Variants in KCNMB2 observed in about 807,000 individuals in gnomAD.
KCNMB2 encodes the protein calcium-activated potassium channel subunit beta-2.
A neutral mutation model predicts 24.5 loss-of-function variants in KCNMB2; 9 were observed. The observed-to-expected ratio is 0.37, with a 90% CI of 0.22 to 0.64. The LOEUF is 0.64. Ranked by LOEUF, KCNMB2 falls within the 30% of genes least tolerant of loss-of-function variation. KCNMB2 has a pLI of 0.63. For missense variants in KCNMB2, 226 were observed against 284.3 expected (o/e 0.79, Z 1.47); for synonymous variants, 109 against 104.4 (o/e 1.04, Z -0.27).
At chr3:178,572,965 G>A (rs973175862) in intron 1 of KCNMB2, among the ~76,000 whole-genome samples, 3 of 152,016 alleles carry the variant, frequency 2.0e-5, no homozygotes, top group Non-Finnish European at 4.4e-5. Context: ...ATTGTAGTAG[G>A]TTCTCCAGAA....
intron 1 of KCNMB2, among the ~76,000 whole-genome samples, chr3:178,626,582 G>A (rs1719125851): frequency 6.6e-6 from 1 of 152,148 alleles, no homozygotes; most frequent in African/African-American, 2.4e-5. Flanking sequence ...TCACAAGGCA[G>A]CAGGAGAGAA....
intron 1 of KCNMB2, among the ~76,000 whole-genome samples, chr3:178,686,239 A>G (rs1195717163): frequency 6.6e-6 from 1 of 152,238 alleles, no homozygotes; most frequent in Non-Finnish European, 1.5e-5. Context: ...CATTTATTTA[A>G]TAAAGTTCTA....
At chr3:178,576,726 G>A (rs71308193) in intron 1 of KCNMB2, among the ~76,000 whole-genome samples, 17,772 of 152,228 alleles carry the variant, frequency 0.12, 1,190 homozygotes, top group Middle Eastern at 0.24. Context: ...AAAGCCACCC[G>A]GAAGTTCAAA....
At chr3:178,655,677 G>A (rs2108565110) in intron 1 of KCNMB2, among the ~76,000 whole-genome samples, 1 of 152,292 alleles carries the variant, frequency 6.6e-6, no homozygotes, top group East Asian at 1.9e-4. Flanking sequence ...TTACTGGTCT[G>A]AAGAGTGAGG....
chr3:178,760,287 TAG>T lies in KCNMB2; in HGVS notation c.-67-47054_-67-47053del, dbSNP rs1257061225. Reference sequence around the variant, plus strand: ...ATATCCAAGAGGATATATCTATATATAGATATATCCAAGAGGATATATCTATA... The same window carrying T: ...ATATCCAAGAGGATATATCTATATATATATATCCAAGAGGATATATCTATA... On this transcript the variant is annotated intron_variant, in intron 1 of 4. Transcript: ENST00000452583. Among the ~76,000 whole-genome samples, 608 of 77,508 alleles carry T rather than the reference TAG, an allele frequency of 7.8e-3. 42 individuals are homozygous for T. Among genetic ancestry groups the T allele is most frequent in the South Asian group, 0.014 (33 of 2,336 alleles). 50.8% of individuals were successfully genotyped at this position (77,508 alleles called of 152,430 possible).
intron 1 of KCNMB2, among the ~76,000 whole-genome samples, chr3:178,610,804 T>C (rs1366842618): frequency 6.6e-6 from 1 of 152,226 alleles, no homozygotes; most frequent in Admixed American, 6.5e-5. Flanking sequence ...CCTTGTCGTG[T>C]TCCAGATCTT....
intron 1 of KCNMB2, among the ~76,000 whole-genome samples, chr3:178,606,507 TTGTC>T (rs1718277980): frequency 6.6e-6 from 1 of 152,044 alleles, no homozygotes; most frequent in Non-Finnish European, 1.5e-5. Flanking sequence ...TTTCTTTCCT[TTGTC>T]TGAGCCATCT....
intron 1 of KCNMB2, among the ~76,000 whole-genome samples, chr3:178,729,919 C>T (rs1178995457): frequency 1.3e-5 from 2 of 152,192 alleles, no homozygotes; most frequent in Non-Finnish European, 2.9e-5. Context: ...ACTCAGGCTA[C>T]ATGCCCACTG....
chr3:178,733,546 T>C (rs1231637389), intron 1 of KCNMB2, among the ~76,000 whole-genome samples: 4 of 152,180 alleles, frequency 2.6e-5, no homozygotes, highest in African/African-American at 9.7e-5. Flanking sequence ...AATGGCACGA[T>C]CTCGGCTCAC....
intron 2 of KCNMB2, among the ~76,000 whole-genome samples, chr3:178,811,520 T>C: frequency 6.6e-6 from 1 of 152,218 alleles, no homozygotes; most frequent in East Asian, 1.9e-4. Context: ...GTTGTTATGA[T>C]TTACCAATGC....
intron 1 of KCNMB2, among the ~76,000 whole-genome samples, chr3:178,546,606 C>A (rs1296340612): frequency 6.6e-6 from 1 of 152,182 alleles, no homozygotes; most frequent in East Asian, 1.9e-4. Context: ...TAAGTGGGGA[C>A]TGTGCCCTGA....
chr3:178,739,466 G>A (rs1723424050), intron 1 of KCNMB2, among the ~76,000 whole-genome samples: 1 of 152,118 alleles, frequency 6.6e-6, no homozygotes. Context: ...CTCCTCAAAG[G>A]CAAATGAATT....
At chr3:178,620,117 A>G (rs1306455912) in intron 1 of KCNMB2, among the ~76,000 whole-genome samples, 1 of 152,186 alleles carries the variant, frequency 6.6e-6, no homozygotes, top group Non-Finnish European at 1.5e-5. Context: ...GGGAATGTTT[A>G]TATATATTAT....
At chr3:178,583,763 T>C (rs907275957) in intron 1 of KCNMB2, among the ~76,000 whole-genome samples, 2 of 152,196 alleles carry the variant, frequency 1.3e-5, no homozygotes, top group Admixed American at 6.5e-5. Flanking sequence ...AAGGAGATAA[T>C]GCACATAAAT....
At chr3:178,802,502 T>G (rs2108448542) in intron 1 of KCNMB2, among the ~76,000 whole-genome samples, 1 of 152,250 alleles carries the variant, frequency 6.6e-6, no homozygotes, top group African/African-American at 2.4e-5. Context: ...CACTGAGAAG[T>G]GGCACCCAGT....
At chr3:178,711,707 T>C (rs576381107) in intron 1 of KCNMB2, among the ~76,000 whole-genome samples, 110 of 152,328 alleles carry the variant, frequency 7.2e-4, no homozygotes, top group Admixed American at 2.2e-3. Flanking sequence ...CACCATCATC[T>C]CTGGCCAGCC....
At chr3:178,709,444 A>G (rs890355193) in intron 1 of KCNMB2, among the ~76,000 whole-genome samples, 9 of 152,138 alleles carry the variant, frequency 5.9e-5, no homozygotes, top group Non-Finnish European at 4.4e-5. Flanking sequence ...ATGGCATTTA[A>G]TTTTACACTG....
chr3:178,634,524 C>A (rs1183246171), intron 1 of KCNMB2, among the ~76,000 whole-genome samples: 1 of 152,132 alleles, frequency 6.6e-6, no homozygotes, highest in Admixed American at 6.5e-5. Flanking sequence ...AGATATCTGA[C>A]TCACTATCAT....
At chr3:178,671,729 A>G (rs1411333149) in intron 1 of KCNMB2, among the ~76,000 whole-genome samples, 2 of 152,210 alleles carry the variant, frequency 1.3e-5, no homozygotes, top group African/African-American at 4.8e-5. Context: ...CCTGAAAACA[A>G]AGAGCCTAAG....
Sources: gnomAD v4.1 joint callset for allele counts (sites outside exome capture counted in the v4.1 genomes callset) on GRCh38, gnomAD v4.1.1 for gene constraint, MANE v1.5 for transcripts, NCBI Gene and HGNC (gene_info 2026-07-23, HGNC 2026-07-21) for gene names.